Variants in ADGRL3 observed in about 807,000 individuals in gnomAD.
ADGRL3 encodes the protein adhesion G protein-coupled receptor L3, also known as calcium-independent alpha-latrotoxin receptor 3.
Under a neutral mutation model 153.5 loss-of-function variants are expected in ADGRL3, and 62 were observed. The observed-to-expected ratio is 0.40, with a 90% CI of 0.33 to 0.50. The LOEUF (loss-of-function observed/expected upper bound fraction) is 0.50, where lower values mean the gene tolerates loss of function less well. Ranked by LOEUF, ADGRL3 falls within the 20% of genes least tolerant of loss-of-function variation. The pLI, the probability that ADGRL3 is intolerant of heterozygous loss-of-function variation, is 0.47. For synonymous variants in ADGRL3, 710 were observed against 672.5 expected, an observed-to-expected ratio of 1.06 and a Z score of -0.86; for missense variants, 1,641 against 1,859.4, an observed-to-expected ratio of 0.88 and a Z score of 2.16.
chr4:61,957,128 G>A (rs1467426098), intron 17 of ADGRL3, among the ~76,000 whole-genome samples: 2 of 152,174 alleles, frequency 1.3e-5, no homozygotes, highest in Middle Eastern at 3.2e-3. Flanking sequence ...ACTTTGGGCA[G>A]TATGGTCATT....
At chr4:62,026,089 A>C (rs1718397119) in intron 21 of ADGRL3, among the ~76,000 whole-genome samples, 1 of 152,148 alleles carries the variant, frequency 6.6e-6, no homozygotes, top group Admixed American at 6.6e-5. Context: ...TAGATTTTAA[A>C]TCATTATATA....
chr4:61,911,869 C>A (rs2098723543), intron 12 of ADGRL3, among the ~76,000 whole-genome samples: 1 of 151,944 alleles, frequency 6.6e-6, no homozygotes, highest in Admixed American at 6.6e-5. Context: ...AGAGGAAAAC[C>A]CACAAATGAA....
chr4:61,636,275 A>G (rs920872254), intron 5 of ADGRL3, among the ~76,000 whole-genome samples: 2 of 152,182 alleles, frequency 1.3e-5, no homozygotes, highest in Non-Finnish European at 2.9e-5. Context: ...ATCCTTTGCC[A>G]AGAAAGAAGG....
intron 2 of ADGRL3, among the ~76,000 whole-genome samples, chr4:61,430,086 G>A (rs553448743): frequency 1.2e-4 from 19 of 152,126 alleles, no homozygotes; most frequent in Non-Finnish European, 2.2e-4. Flanking sequence ...ACTCTACATC[G>A]ACAATGAGAT....
At chr4:61,517,882 G>GA (rs1304818610) in intron 4 of ADGRL3, among the ~76,000 whole-genome samples, 3 of 152,010 alleles carry the variant, frequency 2.0e-5, no homozygotes, top group Non-Finnish European at 4.4e-5. Context: ...CTGCTTGTTT[G>GA]AAAAAATTTT....
intron 21 of ADGRL3, among the ~76,000 whole-genome samples, chr4:62,023,678 A>G (rs915040836): frequency 1.3e-5 from 2 of 152,198 alleles, no homozygotes; most frequent in Middle Eastern, 3.2e-3. Context: ...CAAAAATATT[A>G]GAACTCGCTG....
At chr4:62,057,844 A>G (rs953252775) in intron 25 of ADGRL3, among the ~76,000 whole-genome samples, 1 of 151,732 alleles carries the variant, frequency 6.6e-6, no homozygotes, top group Non-Finnish European at 1.5e-5. Context: ...CGCCTGGCCA[A>G]TTTTTTTGTA....
At chr4:62,019,174 T>TAG (rs1351400183) in intron 21 of ADGRL3, among the ~76,000 whole-genome samples, 1 of 151,974 alleles carries the variant, frequency 6.6e-6, no homozygotes, top group Non-Finnish European at 1.5e-5. Flanking sequence ...TTAAATCCTT[T>TAG]ATATATATAT....
At chr4:61,717,318 C>A (rs1294967836) in intron 6 of ADGRL3, among the ~76,000 whole-genome samples, 1 of 151,580 alleles carries the variant, frequency 6.6e-6, no homozygotes, top group Non-Finnish European at 1.5e-5. Context: ...AATCCATTGA[C>A]CTTTGAAATA....
intron 1 of ADGRL3, among the ~76,000 whole-genome samples, chr4:61,269,926 C>G (rs1304124443): frequency 1.3e-5 from 2 of 151,476 alleles, no homozygotes. Flanking sequence ...AACTTGAGAC[C>G]AAGAGAAATT....
intron 5 of ADGRL3, among the ~76,000 whole-genome samples, chr4:61,606,631 C>T (rs565978969): frequency 1.1e-4 from 16 of 152,206 alleles, no homozygotes; most frequent in African/African-American, 3.4e-4. Context: ...TTAAAGGCCC[C>T]GTCTTCAAAT....
intron 5 of ADGRL3, among the ~76,000 whole-genome samples, chr4:61,603,411 G>C (rs1205100047): frequency 6.6e-6 from 1 of 152,132 alleles, no homozygotes; most frequent in African/African-American, 2.4e-5. Flanking sequence ...AAACAATCCA[G>C]CTTAGGAGTT....
intron 6 of ADGRL3, among the ~76,000 whole-genome samples, chr4:61,726,994 TTCTC>T (rs2096359726): frequency 6.6e-6 from 1 of 152,194 alleles, no homozygotes; most frequent in South Asian, 2.1e-4. Flanking sequence ...ACAAATTTAT[TTCTC>T]TCTATTTTGT....
intron 17 of ADGRL3, among the ~76,000 whole-genome samples, chr4:61,965,875 C>A (rs1285374423): frequency 2.6e-5 from 4 of 152,072 alleles, no homozygotes; most frequent in Non-Finnish European, 1.5e-5. Context: ...GTAAATAATA[C>A]AATTTAAAGA....
intron 6 of ADGRL3, among the ~76,000 whole-genome samples, chr4:61,679,473 A>G (rs958420006): frequency 7.2e-5 from 11 of 152,200 alleles, no homozygotes; most frequent in African/African-American, 2.6e-4. Context: ...TCTATTAATA[A>G]ATTCTGATTT....
At chr4:61,644,141 T>C (rs1016760665) in intron 5 of ADGRL3, among the ~76,000 whole-genome samples, 1 of 126,920 alleles carries the variant, frequency 7.9e-6, no homozygotes, top group African/African-American at 3.0e-5. Context: ...TGATATCCCC[T>C]TTATCATTTT....
intron 1 of ADGRL3, among the ~76,000 whole-genome samples, chr4:61,366,024 C>A (rs775613251): frequency 6.6e-6 from 1 of 151,910 alleles, no homozygotes; most frequent in Non-Finnish European, 1.5e-5. Flanking sequence ...TACAACTTAC[C>A]TATAATTTTG....
intron 2 of ADGRL3, among the ~76,000 whole-genome samples, chr4:61,490,512 T>C (rs772857023): frequency 1.5e-4 from 23 of 152,106 alleles, no homozygotes; most frequent in Non-Finnish European, 4.4e-5. Context: ...AATTAAATGT[T>C]TCTTGAAAAT....
intron 4 of ADGRL3, among the ~76,000 whole-genome samples, chr4:61,530,469 T>C (rs1440093773): frequency 6.6e-6 from 1 of 152,158 alleles, no homozygotes; most frequent in Admixed American, 6.5e-5. Flanking sequence ...TTTCAGCTCT[T>C]GTCAAGGCTA....
Sources: allele counts gnomAD v4.1 joint callset (sites outside exome capture counted in the v4.1 genomes callset), GRCh38; gene constraint gnomAD v4.1.1; transcripts MANE v1.5; gene names NCBI Gene and HGNC (gene_info 2026-07-23, HGNC 2026-07-21).